Variants in TNS3 observed in about 807,000 individuals in gnomAD.
TNS3 encodes tensin 3.
TNS3 carries 45 observed loss-of-function variants against 140.9 expected under a neutral mutation model. The observed-to-expected ratio is 0.32, with a 90% CI of 0.25 to 0.41. The LOEUF is 0.41. Ranked by LOEUF, TNS3 falls within the 10% of genes least tolerant of loss-of-function variation. The pLI is 1.00. For synonymous variants in TNS3, 815 were observed against 788.4 expected (o/e 1.03, Z -0.56); for missense variants, 1,716 against 1,906.7 (o/e 0.90, Z 1.86).
At chr7:47,342,297 G>A (rs891712649) in intron 20 of TNS3, among the ~76,000 whole-genome samples, 7 of 152,154 alleles carry the variant, frequency 4.6e-5, no homozygotes, top group Non-Finnish European at 7.3e-5. Flanking sequence ...TTCACCCTCC[G>A]GGAAGTGAAG....
chr7:47,278,919 T>A (rs1176240631), intron 30 of TNS3: 1 of 152,236 alleles, frequency 6.6e-6, no homozygotes, highest in African/African-American at 2.4e-5. Context: ...TTCTCTTTCT[T>A]AGAAAAATGA....
intron 1 of TNS3, chr7:47,581,517 A>G (rs543168100): frequency 6.6e-6 from 1 of 152,370 alleles, no homozygotes; most frequent in Non-Finnish European, 1.5e-5. Context: ...TGGAGTCTCG[A>G]GACGGAGTCC....
chr7:47,398,259 T>C (rs1011929083), intron 15 of TNS3, among the ~76,000 whole-genome samples: 3 of 152,122 alleles, frequency 2.0e-5, no homozygotes, highest in African/African-American at 7.2e-5. Flanking sequence ...CCAATCCTAC[T>C]GAACAATTCC....
chr7:47,304,597 G>GT (rs1786632849), intron 21 of TNS3, among the ~76,000 whole-genome samples: 1 of 151,928 alleles, frequency 6.6e-6, no homozygotes, highest in Non-Finnish European at 1.5e-5. Flanking sequence ...GATTTTTCCT[G>GT]TATTTCCTGT....
At chr7:47,361,206 C>CAAAAAAAAAAAAAAAAACAAAAA (rs529938498) in intron 17 of TNS3, among the ~76,000 whole-genome samples, 1 of 47,154 alleles carries the variant, frequency 2.1e-5, no homozygotes, top group Non-Finnish European at 4.6e-5. Context: ...GTAACCATGC[C>CAAAAAAAAAAAAAAAAACAAAAA]AAAAAAAAAA....
Position 47,530,721 on chromosome 7 carries a change from G to C in TNS3, c.-264-1574C>G, listed in dbSNP as rs1799360599. Among the ~76,000 whole-genome samples, 3 of 150,418 alleles carry C rather than the reference G, an allele frequency of 2.0e-5. No individual in the cohort carries two copies. The South Asian group carries it at 6.4e-4, about 32-fold the overall frequency. On this transcript the variant is annotated intron_variant, in intron 1 of 30. Transcript: ENST00000311160. ...TGCCTGTAATCCCAGCTACTCGGGAGGCTAAGGCAGGAAATCGCTTGAACC... is the reference window on the plus strand; with the variant it reads ...TGCCTGTAATCCCAGCTACTCGGGACGCTAAGGCAGGAAATCGCTTGAACC...
intron 2 of TNS3, among the ~76,000 whole-genome samples, chr7:47,521,734 G>A (rs748770207): frequency 9.9e-5 from 15 of 152,100 alleles, no homozygotes; most frequent in Middle Eastern, 3.2e-3. Context: ...CTGTGCAGCC[G>A]GCCTCTCAAA....
chr7:47,535,984 G>C (rs941249175), intron 1 of TNS3, among the ~76,000 whole-genome samples: 12 of 152,210 alleles, frequency 7.9e-5, no homozygotes, highest in African/African-American at 2.2e-4. Context: ...ATTCTGGAGA[G>C]GCAGACACTG....
Position 47,318,741 on chromosome 7 carries a change from C to T in TNS3, c.2651-13738G>A, listed in dbSNP as rs369066006. Among the ~76,000 whole-genome samples, 5 of 152,118 alleles carry T rather than the reference C, an allele frequency of 3.3e-5. No homozygotes were observed. The East Asian group carries it at 9.6e-4, about 29-fold the overall frequency. ...TTATCATGATGGAGAATGGAGGTTA[C>T]CATAATGTATACACCACGTCCACAC... On this transcript the variant is annotated intron_variant, in intron 20 of 30. Transcript: ENST00000311160.
rs575575320 is a variant in TNS3 at position 47,339,376 on chromosome 7, G to A, written c.2650+5379C>T. On this transcript the variant is annotated intron_variant, in intron 20 of 30. Coordinates refer to ENST00000311160, the MANE Select transcript of TNS3 (RefSeq NM_022748.12). Reference sequence around the variant, plus strand: ...TTTTAAGTTAATTTTTGTATAAAGTGTGAGCCTTTGGTGGCTGTTCATTGT... The same window carrying A: ...TTTTAAGTTAATTTTTGTATAAAGTATGAGCCTTTGGTGGCTGTTCATTGT... Among the ~76,000 whole-genome samples the A allele has an allele frequency of 1.1e-4, 17 of 152,264 alleles. No homozygotes were observed. In the South Asian group the frequency reaches 3.1e-3, roughly 28 times the overall value.
chr7:47,470,767 G>T, intron 4 of TNS3: 1 of 468,210 alleles, frequency 2.1e-6, no homozygotes, highest in Non-Finnish European at 2.8e-6. Flanking sequence ...GCTCCCGGGT[G>T]GATGTAAGCT....
intron 23 of TNS3, among the ~76,000 whole-genome samples, chr7:47,299,635 G>A (rs1039036759): frequency 5.9e-5 from 9 of 152,338 alleles, no homozygotes; most frequent in African/African-American, 2.2e-4. Context: ...GCTCCGACCA[G>A]TTCTCCCCAT....
intron 17 of TNS3, among the ~76,000 whole-genome samples, chr7:47,354,386 A>T (rs1259686099): frequency 6.6e-6 from 1 of 152,002 alleles, no homozygotes; most frequent in East Asian, 2.0e-4. Flanking sequence ...TTCTCAGAAA[A>T]ACCAAGGAGA....
intron 20 of TNS3, among the ~76,000 whole-genome samples, chr7:47,316,058 T>C (rs2150803647): frequency 6.6e-6 from 1 of 150,462 alleles, no homozygotes; most frequent in East Asian, 2.0e-4. Flanking sequence ...CAATAAACTT[T>C]CAGAAGTAAG....
chr7:47,382,021 T>C (rs1791793919), intron 16 of TNS3, among the ~76,000 whole-genome samples: 1 of 152,188 alleles, frequency 6.6e-6, no homozygotes, highest in Admixed American at 6.5e-5. Flanking sequence ...TTCCAAACTG[T>C]AGCTAACTGT....
intron 8 of TNS3, among the ~76,000 whole-genome samples, chr7:47,432,764 T>C (rs1794985633): frequency 1.3e-5 from 2 of 152,238 alleles, no homozygotes; most frequent in African/African-American, 4.8e-5. Flanking sequence ...AAACTACGTA[T>C]GGAACTGAAG....
chr7:47,360,195 T>C (rs546870811), intron 17 of TNS3, among the ~76,000 whole-genome samples: 11 of 152,320 alleles, frequency 7.2e-5, no homozygotes, highest in Admixed American at 2.6e-4. Context: ...CTCCCTGCAG[T>C]GCAGTGGGCT....
At chr7:47,409,141 A>T (rs1793614782) in intron 13 of TNS3, among the ~76,000 whole-genome samples, 1 of 152,156 alleles carries the variant, frequency 6.6e-6, no homozygotes, top group Non-Finnish European at 1.5e-5. Context: ...AAAAGGAAGA[A>T]GGGCAAGAGG....
intron 6 of TNS3, among the ~76,000 whole-genome samples, chr7:47,438,187 T>C (rs1293258455): frequency 1.3e-5 from 2 of 152,210 alleles, no homozygotes; most frequent in African/African-American, 4.8e-5. Flanking sequence ...AAGCCCTGTT[T>C]ATGACAAGGG....
Sources: allele counts gnomAD v4.1 joint callset (sites outside exome capture counted in the v4.1 genomes callset), GRCh38; gene constraint gnomAD v4.1.1; transcripts MANE v1.5; gene names NCBI Gene and HGNC (gene_info 2026-07-23, HGNC 2026-07-21).